SLC41A3: variants seen among roughly 807,000 people sequenced by gnomAD.
SLC41A3 encodes the protein SLC41A1-like 2.
A neutral mutation model predicts 45.4 loss-of-function variants in SLC41A3; 44 were observed. The ratio of observed to expected loss-of-function variants is 0.97; its 90% CI spans 0.76 to 1.25. The LOEUF is 1.25. SLC41A3 is among the 50% of genes most tolerant of loss of function. The pLI is 0.00. For missense variants in SLC41A3, 550 were observed against 600.6 expected, an observed-to-expected ratio of 0.92 and a Z score of 0.88; for synonymous variants, 256 against 252.4, an observed-to-expected ratio of 1.01 and a Z score of -0.13.
chr3:126,010,759 TCCCTGTCCCAGCCAA>T (rs993541829), intron 9 of SLC41A3, among the ~76,000 whole-genome samples: 1 of 152,226 alleles, frequency 6.6e-6, no homozygotes, highest in Admixed American at 6.5e-5. Flanking sequence ...AAGGCATCTT[TCCCTGTCCCAGCCAA>T]GGTGGTCTCA....
chr3:126,047,102 C>A (rs1211594360), intron 3 of SLC41A3, among the ~76,000 whole-genome samples: 1 of 152,116 alleles, frequency 6.6e-6, no homozygotes, highest in Non-Finnish European at 1.5e-5. Context: ...GTGGCTCACA[C>A]CTGTAATCCC....
intron 9 of SLC41A3, among the ~76,000 whole-genome samples, chr3:126,010,630 G>A (rs961465110): frequency 6.6e-6 from 1 of 152,240 alleles, no homozygotes; most frequent in Non-Finnish European, 1.5e-5. Context: ...CATCAGGAAA[G>A]GCCTGGTGGG....
At position 126,026,578 on chromosome 3, in the gene SLC41A3, ATGCTAC is replaced by A; in HGVS notation, c.454-105_454-100del. On this transcript the variant is annotated intron_variant, in intron 4 of 10. Coordinates refer to ENST00000360370, the MANE Select transcript of SLC41A3 (RefSeq NM_017836.4). This position sits in a 1 kb window ranked among gnomAD's most constrained non-coding sequence, Gnocchi z 4.2. ...CTCACCGCAAGGGGCCGGGTGCCACATGCTACTGCCTCCTTTCCCTTACCCTAAAAT... is the reference window on the plus strand; with the variant it reads ...CTCACCGCAAGGGGCCGGGTGCCACATGCCTCCTTTCCCTTACCCTAAAAT... 7.0e-7 allele frequency: 1 copy of A among 1,437,336 alleles called. No homozygotes were observed. Among genetic ancestry groups the A allele is most frequent in the Non-Finnish European group, 9.4e-7 (1 of 1,059,984 alleles). 89.0% of individuals were successfully genotyped at this position (1,437,336 alleles called of 1,614,324 possible).
chr3:126,007,060 C>T lies in SLC41A3; in HGVS notation c.1420G>A (p.Ala474Thr). 6.2e-7 allele frequency: 1 copy of T among 1,614,162 alleles called. No individual in the cohort carries two copies. The highest frequency in any genetic ancestry group is 8.5e-7 in the Non-Finnish European group (1 of 1,180,020). The change falls in exon 11 of 11, where the codon GCA becomes ACA. Residue 474 changes from alanine to threonine, a missense_variant. By Grantham distance (58) the Ala-to-Thr change is moderately conservative (BLOSUM62 0). Transcript: ENST00000360370. Reference protein sequence around the residue: ...FFTDWLLKSKAELGGISELAS... With the variant: ...FFTDWLLKSKTELGGISELAS... The stretch of plus-strand genomic sequence containing the variant: ...AGTTCTGAGATGCCACCCAGCTCTG[C>T]CTTGCTCTTCAGTAGCCAGTCAGTG...
chr3:126,067,829 A>C, intron 2 of SLC41A3, 118 bp downstream of exon 2: 1 of 1,317,090 alleles, frequency 7.6e-7, no homozygotes, highest in Non-Finnish European at 1.0e-6. Flanking sequence ...GAAAAAAAAA[A>C]TGGCTTTTCA....
intron 6 of SLC41A3, among the ~76,000 whole-genome samples, chr3:126,019,685 T>C (rs908872291): frequency 3.3e-5 from 5 of 152,216 alleles, no homozygotes; most frequent in Non-Finnish European, 5.9e-5. Flanking sequence ...CTGGGGCTTA[T>C]GACTCCAGAG....
intron 2 of SLC41A3, among the ~76,000 whole-genome samples, chr3:126,051,972 A>C (rs1943366765): frequency 6.6e-6 from 1 of 152,122 alleles, no homozygotes. Flanking sequence ...AGTCATCCAT[A>C]AGCTGCCCAG....
intron 4 of SLC41A3, among the ~76,000 whole-genome samples, chr3:126,032,431 T>G (rs1450609039): frequency 6.6e-6 from 1 of 152,144 alleles, no homozygotes; most frequent in East Asian, 1.9e-4. Context: ...TCTGGTGTGG[T>G]TACTGGGAAG....
At chr3:126,066,405 C>A (rs1185963225) in intron 2 of SLC41A3, among the ~76,000 whole-genome samples, 1 of 152,214 alleles carries the variant, frequency 6.6e-6, no homozygotes, top group Non-Finnish European at 1.5e-5. Context: ...ATCATATGAA[C>A]CATGTGTGTT....
At chr3:126,056,772 G>A in intron 2 of SLC41A3, 1 of 1,384,260 alleles carries the variant, frequency 7.2e-7, no homozygotes. Flanking sequence ...GTGACTCACG[G>A]CCTCATTACA....
chr3:126,056,338 C>T, intron 2 of SLC41A3: 1 of 1,611,328 alleles, frequency 6.2e-7, no homozygotes, highest in South Asian at 1.1e-5. Context: ...CCCCTGATCC[C>T]CCAAACACCC....
At chr3:126,059,299 A>G (rs181790063) in intron 2 of SLC41A3, among the ~76,000 whole-genome samples, 19 of 124,010 alleles carry the variant, frequency 1.5e-4, no homozygotes, top group Non-Finnish European at 2.3e-4. Flanking sequence ...AGAAAGAAAG[A>G]AAGAAAGAAA....
At position 126,092,935 on chromosome 3, in the gene SLC41A3, C is replaced by G. The variant is rs575304288; in HGVS notation, c.-79+8494G>C. Among the ~76,000 whole-genome samples, 4 of 152,306 alleles carry G rather than the reference C, an allele frequency of 2.6e-5. No homozygotes were observed. In the East Asian group the frequency reaches 7.7e-4, roughly 29 times the overall value. On this transcript the variant is annotated intron_variant, in intron 1 of 9. Coordinates refer to the SLC41A3 transcript ENST00000508835. ...CATCCCTACCCTTCTGCACCCCCTG[C>G]TTATTATTTTGAAGAAAAAGACCCT...
rs148497274 is a variant in SLC41A3, at chr3:126,007,114, C to G, written c.1366G>C (p.Gly456Arg). The part of the protein sequence containing the change: ...PYLTGLGDLL[G>R]TGLLALCFFT... ...AAGCAGAGTGCCAGGAGGCCAGTACCGAGCAGGTCCCCCAGCCCTGTAAGG... is the reference window on the plus strand; with the variant it reads ...AAGCAGAGTGCCAGGAGGCCAGTACGGAGCAGGTCCCCCAGCCCTGTAAGG... The change falls in exon 11 of 11, where the codon GGT becomes CGT. Residue 456 changes from glycine (G) to arginine (R), a missense_variant. Coordinates refer to ENST00000360370, the MANE Select transcript of SLC41A3 (RefSeq NM_017836.4). 10 of 1,614,220 alleles carry G rather than the reference C, an allele frequency of 6.2e-6. No homozygotes were observed. The African/African-American group carries it at 1.3e-4, about 22-fold the overall frequency.
At chr3:126,012,509 C>A (rs980156727) in intron 9 of SLC41A3, 106 bp downstream of exon 9, 27 of 1,471,066 alleles carry the variant, frequency 1.8e-5, no homozygotes, top group Non-Finnish European at 2.4e-5. Context: ...CCGAGATCAG[C>A]CCTGGCTTCA....
chr3:126,095,025 C>T (rs1945567367), intron 1 of SLC41A3, among the ~76,000 whole-genome samples: 2 of 152,196 alleles, frequency 1.3e-5, no homozygotes, highest in African/African-American at 4.8e-5. Context: ...ATTTTTTGAG[C>T]CTGCCCAAAG....
At chr3:126,031,579 T>G (rs2333407) in intron 4 of SLC41A3, among the ~76,000 whole-genome samples, 1 of 152,070 alleles carries the variant, frequency 6.6e-6, no homozygotes, top group Non-Finnish European at 1.5e-5. Context: ...TGAATAAAAC[T>G]TATTGCACTG....
chr3:126,081,383 T>A (rs1945145045), intron 1 of SLC41A3, among the ~76,000 whole-genome samples: 1 of 152,214 alleles, frequency 6.6e-6, no homozygotes, highest in African/African-American at 2.4e-5. Flanking sequence ...GGAGGATGGT[T>A]AATGGCTAGA....
intron 2 of SLC41A3, among the ~76,000 whole-genome samples, chr3:126,054,274 T>C (rs1168168046): frequency 6.6e-6 from 1 of 152,124 alleles, no homozygotes; most frequent in Non-Finnish European, 1.5e-5. Flanking sequence ...GAGGTGGGGC[T>C]GAGATGACTA....
Sources: allele counts gnomAD v4.1 joint callset (sites outside exome capture counted in the v4.1 genomes callset), GRCh38; gene constraint gnomAD v4.1.1; non-coding constraint Gnocchi (gnomAD v3.1); transcripts MANE v1.5; gene names NCBI Gene and HGNC (gene_info 2026-07-23, HGNC 2026-07-21).